NLGN4X: variants seen among roughly 807,000 people sequenced by gnomAD.
NLGN4X encodes neuroligin 4 X-linked.
In NLGN4X, 3 loss-of-function variants were observed where a neutral mutation model predicts 40.3. That is an observed-to-expected ratio of 0.07 (90% CI 0.03 to 0.19). The LOEUF is 0.19. Among genes scored for constraint, NLGN4X ranks in the 10% least tolerant of loss-of-function variants. NLGN4X has a pLI of 1.00. For synonymous variants in NLGN4X, 270 were observed against 306.8 expected, an observed-to-expected ratio of 0.88 and a Z score of 1.25; for missense variants, 382 against 708.3, an observed-to-expected ratio of 0.54 and a Z score of 5.23.
chrX:5,905,987 T>C (rs943535378), intron 4 of NLGN4X, among the ~76,000 whole-genome samples: 9 of 112,083 alleles, frequency 8.0e-5, no homozygotes, highest in African/African-American at 1.6e-4. Context: ...CGTGATTATA[T>C]TGATGGGCTG....
chrX:6,107,601 G>A (rs1325343157), intron 2 of NLGN4X, among the ~76,000 whole-genome samples: 1 of 111,204 alleles, frequency 9.0e-6, no homozygotes, highest in Non-Finnish European at 1.9e-5. Context: ...TTTCTTACAT[G>A]GGTATATTGC....
At chrX:6,201,727 G>C (rs1185839148) in intron 1 of NLGN4X, among the ~76,000 whole-genome samples, 3 of 111,078 alleles carry the variant, frequency 2.7e-5, no homozygotes, top group Non-Finnish European at 5.7e-5. Context: ...CAGGGAGCAG[G>C]GTAAGCTTGG....
At chrX:6,179,609 T>C (rs1288910831) in intron 1 of NLGN4X, among the ~76,000 whole-genome samples, 5 of 112,321 alleles carry the variant, frequency 4.5e-5, no homozygotes, top group Non-Finnish European at 7.5e-5. Flanking sequence ...GATGAGTGTG[T>C]GCTGACTGTG....
intron 2 of NLGN4X, among the ~76,000 whole-genome samples, chrX:6,141,193 A>G (rs2039941329): frequency 1.8e-5 from 2 of 111,502 alleles, no homozygotes; most frequent in Non-Finnish European, 3.8e-5. Context: ...AGGGGTGCTT[A>G]AACATAAAGA....
At chrX:6,157,547 G>A (rs774383929) in intron 1 of NLGN4X, among the ~76,000 whole-genome samples, 1 of 111,613 alleles carries the variant, frequency 9.0e-6, no homozygotes, top group South Asian at 3.8e-4. Context: ...CATAGCTTGG[G>A]GGGCTTATAA....
At chrX:5,985,748 T>C (rs1303492825) in intron 3 of NLGN4X, among the ~76,000 whole-genome samples, 1 of 111,855 alleles carries the variant, frequency 8.9e-6, no homozygotes, top group Non-Finnish European at 1.9e-5. Context: ...AAATAGACGC[T>C]ATGTAGAAAA....
chrX:6,133,608 T>C (rs1334475960), intron 2 of NLGN4X, among the ~76,000 whole-genome samples: 2 of 112,111 alleles, frequency 1.8e-5, no homozygotes, highest in Non-Finnish European at 3.8e-5. Flanking sequence ...ATAAAATTTT[T>C]GCCATCAATA....
At chrX:5,932,532 T>C (rs1390285984) in intron 3 of NLGN4X, among the ~76,000 whole-genome samples, 1 of 111,878 alleles carries the variant, frequency 8.9e-6, no homozygotes. Context: ...AATAAATATA[T>C]TCGATCACCT....
intron 3 of NLGN4X, among the ~76,000 whole-genome samples, chrX:5,966,167 C>T (rs955792566): frequency 3.6e-5 from 4 of 111,657 alleles, no homozygotes; most frequent in African/African-American, 1.3e-4. Context: ...CATTGGAGCT[C>T]CTGAAAAGGT....
chrX:6,165,810 G>C (rs888583440), intron 1 of NLGN4X, among the ~76,000 whole-genome samples: 1 of 110,756 alleles, frequency 9.0e-6, no homozygotes, highest in Non-Finnish European at 1.9e-5. Context: ...ATCCCACCCA[G>C]GTGTCTTTAT....
At chrX:6,165,698 G>T (rs949451620) in intron 1 of NLGN4X, among the ~76,000 whole-genome samples, 3 of 111,227 alleles carry the variant, frequency 2.7e-5, no homozygotes, top group Non-Finnish European at 5.7e-5. Context: ...TACTACACAT[G>T]CAGGTTTTTT....
At chrX:6,104,588 G>A (rs1208410504) in intron 2 of NLGN4X, among the ~76,000 whole-genome samples, 3 of 110,532 alleles carry the variant, frequency 2.7e-5, no homozygotes, top group Non-Finnish European at 5.7e-5. Context: ...CGGAAACTTG[G>A]ACCTAGGAAC....
At chrX:6,224,908 A>C (rs1204574559) in intron 1 of NLGN4X, among the ~76,000 whole-genome samples, 3 of 100,020 alleles carry the variant, frequency 3.0e-5, no homozygotes, top group African/African-American at 1.1e-4. Context: ...TGATGAAGTA[A>C]TTTTCCACTT....
rs1282842677 is a variant in NLGN4X, at chrX:5,912,532, G to GT, written c.626-3294dup. Among the ~76,000 whole-genome samples the GT allele has an allele frequency of 2.7e-5, 3 of 110,691 alleles. No homozygotes were observed. In the East Asian group the frequency reaches 8.6e-4, roughly 32 times the overall value. Reference sequence around the variant, plus strand: ...GTCTTGACTAATCAGCTCTATCTGTGTAGTGGTAAAGATGAATCTGTTGGG... The same window carrying GT: ...GTCTTGACTAATCAGCTCTATCTGTGTTAGTGGTAAAGATGAATCTGTTGGG... On this transcript the variant is annotated intron_variant, in intron 3 of 5. Transcript: ENST00000381095.
At chrX:6,059,388 T>C (rs1440800299) in intron 2 of NLGN4X, among the ~76,000 whole-genome samples, 1 of 112,126 alleles carries the variant, frequency 8.9e-6, no homozygotes, top group Non-Finnish European at 1.9e-5. Flanking sequence ...ACGCTGATGA[T>C]GTTGTCTTCC....
At chrX:6,011,056 G>A (rs777039494) in intron 3 of NLGN4X, among the ~76,000 whole-genome samples, 4 of 111,207 alleles carry the variant, frequency 3.6e-5, no homozygotes, top group African/African-American at 1.3e-4. Flanking sequence ...TAATATCCTA[G>A]TTGTACTCTT....
Position 6,095,133 on chromosome X carries a change from GTGTGTGTGTGT to G in NLGN4X, c.472+55851_472+55861del, listed in dbSNP as rs1478417643. On this transcript the variant is annotated intron_variant, in intron 2 of 5. Transcript: ENST00000381095. ...TGTGTGTGTGTGTGTGTGTGTGTGT[GTGTGTGTGTGT>G]GTGTGTAATTATGGCAATGTTGCTA... is the stretch of plus-strand genomic sequence containing the variant. Among the ~76,000 whole-genome samples, 408 of 103,732 alleles carry G rather than the reference GTGTGTGTGTGT, an allele frequency of 3.9e-3. 6 individuals carry two copies. Among genetic ancestry groups the G allele is most frequent in the African/African-American group, 0.015 (387 of 26,613 alleles). 90.1% of individuals were successfully genotyped at this position (103,732 alleles called of 115,157 possible). A position where few individuals can be genotyped will look rare whatever the true frequency, so the allele number is the denominator to read the frequency against.
intron 3 of NLGN4X, among the ~76,000 whole-genome samples, chrX:5,956,049 T>C (rs1019227949): frequency 1.7e-4 from 19 of 109,673 alleles, no homozygotes; most frequent in African/African-American, 6.3e-4. Flanking sequence ...CCTTTCCTGA[T>C]ATCAGGAATA....
At chrX:6,103,185 G>A (rs1219345444) in intron 2 of NLGN4X, among the ~76,000 whole-genome samples, 1 of 111,770 alleles carries the variant, frequency 8.9e-6, no homozygotes, top group Admixed American at 9.5e-5. Context: ...TACTTACACT[G>A]GTGGCACTCA....
Sources: gnomAD v4.1 joint callset for allele counts (sites outside exome capture counted in the v4.1 genomes callset) on GRCh38, gnomAD v4.1.1 for gene constraint, MANE v1.5 for transcripts, NCBI Gene and HGNC (gene_info 2026-07-23, HGNC 2026-07-21) for gene names.